Variants in PDE7A observed in about 807,000 individuals in gnomAD.
The protein encoded by PDE7A is high affinity 3',5'-cyclic-AMP phosphodiesterase 7A.
PDE7A carries 39 observed loss-of-function variants against 64.3 expected under a neutral mutation model. The ratio of observed to expected loss-of-function variants is 0.61; its 90% CI spans 0.47 to 0.79. PDE7A has a LOEUF of 0.79. PDE7A is among the 30% of genes least tolerant of loss of function. The pLI is 0.00. For synonymous variants in PDE7A, 203 were observed against 206.8 expected (o/e 0.98, Z 0.16); for missense variants, 470 against 582.8 (o/e 0.81, Z 1.99).
intron 6 of PDE7A, 77 bp from the exon 7 acceptor site, chr8:65,734,971 G>A (rs1293828758): frequency 1.6e-5 from 14 of 896,522 alleles, no homozygotes; most frequent in Non-Finnish European, 2.6e-5. Context: ...ATAATTATGA[G>A]TTACCCACTC....
intron 3 of PDE7A, among the ~76,000 whole-genome samples, chr8:65,772,404 C>G (rs191668769): frequency 1.3e-5 from 2 of 152,296 alleles, no homozygotes; most frequent in East Asian, 3.9e-4. Context: ...AAGGTTTAAA[C>G]ACATCCTGCA....
chr8:65,812,697 AT>A (rs1433306887), intron 1 of PDE7A, among the ~76,000 whole-genome samples: 1 of 152,248 alleles, frequency 6.6e-6, no homozygotes, highest in East Asian at 1.9e-4. Context: ...TACTCTTACA[AT>A]GCAACAAGAT....
At position 65,841,338 on chromosome 8, in the gene PDE7A, GCCCTCAAGTGTGGGCC is replaced by G; in HGVS notation, c.138+17_138+32del. 2 of 1,494,664 alleles carry G rather than the reference GCCCTCAAGTGTGGGCC, an allele frequency of 1.3e-6. No homozygotes were observed. Among genetic ancestry groups the G allele is most frequent in the Non-Finnish European group, 1.8e-6 (2 of 1,122,472 alleles). The allele number at this position is 1,494,664 out of a possible 1,614,324, so 92.6% of individuals were successfully genotyped here. On this transcript the variant is annotated intron_variant, in intron 1 of 12. Transcript: ENST00000401827. ...GGGCAGAGGGAAACAAAAGAGAGAA[GCCCTCAAGTGTGGGCC>G]CGGCGGCGGCGATTACCTGAGAGAG...
chr8:65,789,168 G>T, intron 1 of PDE7A: 2 of 780,144 alleles, frequency 2.6e-6, no homozygotes, highest in Non-Finnish European at 3.6e-6. Flanking sequence ...CAACCGCAGG[G>T]TTGGGGTAGA....
At chr8:65,835,470 C>T (rs1002604926) in intron 1 of PDE7A, among the ~76,000 whole-genome samples, 3 of 152,304 alleles carry the variant, frequency 2.0e-5, no homozygotes, top group African/African-American at 7.2e-5. Context: ...CGATCTTAGA[C>T]AAAAATGAGA....
At chr8:65,813,780 T>A (rs946197612) in intron 1 of PDE7A, among the ~76,000 whole-genome samples, 1 of 152,180 alleles carries the variant, frequency 6.6e-6, no homozygotes, top group African/African-American at 2.4e-5. Context: ...AAGGGTTCCA[T>A]CCATTTTCCT....
chr8:65,828,448 T>A (rs1305123676), intron 1 of PDE7A, among the ~76,000 whole-genome samples: 2 of 152,178 alleles, frequency 1.3e-5, no homozygotes, highest in East Asian at 3.8e-4. Flanking sequence ...ATACAGAGTT[T>A]TCTGTTGAAT....
At chr8:65,778,192 T>A (rs148474954) in intron 3 of PDE7A, among the ~76,000 whole-genome samples, 1 of 152,284 alleles carries the variant, frequency 6.6e-6, no homozygotes, top group African/African-American at 2.4e-5. Flanking sequence ...GGAAATGCGA[T>A]GTTATGCCAG....
intron 1 of PDE7A, among the ~76,000 whole-genome samples, chr8:65,817,281 T>A (rs1371869242): frequency 6.6e-6 from 1 of 152,108 alleles, no homozygotes; most frequent in Non-Finnish European, 1.5e-5. Flanking sequence ...CTTACATAAC[T>A]GTGTTATACT....
intron 1 of PDE7A, among the ~76,000 whole-genome samples, chr8:65,787,858 T>G (rs539298324): frequency 3.9e-5 from 6 of 152,066 alleles, no homozygotes; most frequent in Non-Finnish European, 8.8e-5. Context: ...TAACTTGACC[T>G]TCATTCAATA....
At chr8:65,771,884 C>CAAAAAAAAAAAAA (rs36101490) in intron 3 of PDE7A, among the ~76,000 whole-genome samples, 5 of 55,808 alleles carry the variant, frequency 9.0e-5, no homozygotes, top group Non-Finnish European at 1.5e-4. Flanking sequence ...CTCCATCTCT[C>CAAAAAAAAAAAAA]AAAAAAAAAA....
intron 1 of PDE7A, among the ~76,000 whole-genome samples, chr8:65,831,690 A>C (rs1056907395): frequency 6.6e-6 from 1 of 152,206 alleles, no homozygotes; most frequent in Non-Finnish European, 1.5e-5. Flanking sequence ...AGGTGGAAGA[A>C]ATCAGTCAAA....
intron 1 of PDE7A, among the ~76,000 whole-genome samples, chr8:65,806,606 T>G (rs978827906): frequency 6.6e-6 from 1 of 152,234 alleles, no homozygotes; most frequent in Non-Finnish European, 1.5e-5. Context: ...CAGATAAATG[T>G]GTTTATATGA....
At chr8:65,794,775 C>T (rs2128926788) in intron 1 of PDE7A, among the ~76,000 whole-genome samples, 1 of 152,320 alleles carries the variant, frequency 6.6e-6, no homozygotes, top group South Asian at 2.1e-4. Flanking sequence ...AGACACAGTC[C>T]TTGCCTTTAC....
At position 65,769,980 on chromosome 8, in the gene PDE7A, CATA is replaced by C. The variant is rs529056847; in HGVS notation, c.283+9737_283+9739del. Among the ~76,000 whole-genome samples the C allele has an allele frequency of 2.8e-3, 429 of 152,300 alleles. 2 individuals are homozygous for C. Among genetic ancestry groups the C allele is most frequent in the African/African-American group, 9.8e-3 (407 of 41,562 alleles). On this transcript the variant is annotated intron_variant, in intron 3 of 12. Coordinates refer to ENST00000401827, the MANE Select transcript of PDE7A (RefSeq NM_001242318.3). ...TGATTTTTAATTAGGTGAATAATTT[CATA>C]ATACCATACTCTTAAAAATTTTTGT...
chr8:65,785,791 TCTCTAA>T (rs879343610), intron 1 of PDE7A, among the ~76,000 whole-genome samples: 3 of 152,146 alleles, frequency 2.0e-5, no homozygotes, highest in Non-Finnish European at 4.4e-5. Flanking sequence ...TAAGGTGTTA[TCTCTAA>T]CAGTTCTCTT....
chr8:65,793,080 T>A (rs555665901), intron 1 of PDE7A, among the ~76,000 whole-genome samples: 1 of 152,276 alleles, frequency 6.6e-6, no homozygotes, highest in East Asian at 1.9e-4. Flanking sequence ...TAAAAGCACT[T>A]AGAAAGTCTC....
chr8:65,839,549 GA>G (rs1479399973), intron 1 of PDE7A, among the ~76,000 whole-genome samples: 4 of 150,696 alleles, frequency 2.7e-5, no homozygotes, highest in Admixed American at 6.6e-5. Flanking sequence ...AATGTTAATA[GA>G]AAAAAAAGGG....
chr8:65,725,954 G>T (rs903179010), intron 9 of PDE7A, among the ~76,000 whole-genome samples: 5 of 152,044 alleles, frequency 3.3e-5, no homozygotes, highest in South Asian at 2.1e-4. Context: ...CAGAAGTATT[G>T]TCATACTCCA....
Sources: allele counts gnomAD v4.1 joint callset (sites outside exome capture counted in the v4.1 genomes callset), GRCh38; gene constraint gnomAD v4.1.1; transcripts MANE v1.5; gene names NCBI Gene and HGNC (gene_info 2026-07-23, HGNC 2026-07-21).